Variants in FAM227A observed in about 807,000 individuals in gnomAD.
The protein encoded by FAM227A is protein FAM227A.
Under a neutral mutation model 74.7 loss-of-function variants are expected in FAM227A, and 80 were observed. That is an observed-to-expected ratio of 1.07 (90% CI 0.89 to 1.29). The LOEUF is 1.29. FAM227A is among the 50% of genes most tolerant of loss of function. The pLI is 0.00. For synonymous variants in FAM227A, 237 were observed against 241.8 expected (o/e 0.98, Z 0.19); for missense variants, 654 against 683.4 (o/e 0.96, Z 0.48).
intron 6 of FAM227A, among the ~76,000 whole-genome samples, chr22:38,630,483 C>T (rs190827157): frequency 6.2e-4 from 95 of 152,232 alleles, no homozygotes; most frequent in East Asian, 4.1e-3. Flanking sequence ...CCTCTGTGCT[C>T]GATTCTTTCA....
chr22:38,636,770 CTTTTTTTTTTT>C (rs34040804), intron 5 of FAM227A, among the ~76,000 whole-genome samples, 173 bp from the exon 6 acceptor site: 2 of 118,820 alleles, frequency 1.7e-5, no homozygotes, highest in African/African-American at 7.0e-5. Context: ...TACATTATTT[CTTTTTTTTTTT>C]TTTTTTTGAG....
At chr22:38,608,572 A>C (rs9610982) in intron 11 of FAM227A, among the ~76,000 whole-genome samples, 38,302 of 151,566 alleles carry the variant, frequency 0.25, 5,257 homozygotes, top group East Asian at 0.36. Context: ...CTAGGATTAC[A>C]GGTGTCCGCC....
chr22:38,590,627 T>C (rs1056151854), intron 16 of FAM227A, among the ~76,000 whole-genome samples: 47 of 152,338 alleles, frequency 3.1e-4, no homozygotes, highest in African/African-American at 1.1e-3. Flanking sequence ...TTGAGCTGGC[T>C]TCCTGGCACA....
intron 13 of FAM227A, among the ~76,000 whole-genome samples, chr22:38,603,289 A>G (rs2091215381): frequency 6.6e-6 from 1 of 151,400 alleles, no homozygotes; most frequent in African/African-American, 2.4e-5. Context: ...GGAGTTTGAG[A>G]CCCGCCTGAC....
At chr22:38,635,245 AAAAAG>A (rs982789151) in intron 6 of FAM227A, among the ~76,000 whole-genome samples, 15 of 151,448 alleles carry the variant, frequency 9.9e-5, no homozygotes, top group African/African-American at 3.4e-4. Flanking sequence ...AAAAAAAAAA[AAAAAG>A]GAAGGAAGGG....
At chr22:38,610,789 C>T (rs1024091744) in intron 11 of FAM227A, among the ~76,000 whole-genome samples, 1 of 152,174 alleles carries the variant, frequency 6.6e-6, no homozygotes, top group African/African-American at 2.4e-5. Flanking sequence ...TGGGCCGGCG[C>T]GGTGGCTCAC....
At chr22:38,611,734 G>A (rs182409825) in intron 11 of FAM227A, among the ~76,000 whole-genome samples, 4 of 152,178 alleles carry the variant, frequency 2.6e-5, no homozygotes, top group African/African-American at 7.2e-5. Context: ...CACTGTAGTC[G>A]TGCACTCCTA....
chr22:38,602,898 G>C (rs2091206368), intron 13 of FAM227A, among the ~76,000 whole-genome samples: 1 of 152,048 alleles, frequency 6.6e-6, no homozygotes, highest in African/African-American at 2.4e-5. Context: ...TTTTGAGATG[G>C]AGTCTCACTC....
chr22:38,623,050 G>A (rs2145565921), intron 10 of FAM227A, 122 bp downstream of exon 10: 1 of 670,012 alleles, frequency 1.5e-6, no homozygotes, highest in Non-Finnish European at 2.6e-6. Context: ...TGGCTAATTT[G>A]GGGGTACCCG....
In FAM227A at chr22:38,617,110, A is replaced by G. The variant is rs146992852; in HGVS notation, c.1038+3102T>C. Among the ~76,000 whole-genome samples the G allele has an allele frequency of 2.4e-3, 365 of 152,190 alleles. 4 individuals are homozygous for G. Among genetic ancestry groups the G allele is most frequent in the African/African-American group, 8.7e-3 (362 of 41,534 alleles). ...GAATCTGGGCATGCTAGGGCAGTAC[A>G]GTGGTGCGGCCAGGCAGCACTGAGT... On this transcript the variant is annotated intron_variant, in intron 11 of 16. Transcript: ENST00000535113.
At chr22:38,617,538 G>T (rs999275167) in intron 11 of FAM227A, among the ~76,000 whole-genome samples, 1 of 152,082 alleles carries the variant, frequency 6.6e-6, no homozygotes, top group Non-Finnish European at 1.5e-5. Context: ...CTTGTAATCC[G>T]CCTGCCTTGG....
chr22:38,637,181 T>C (rs2092024986), intron 5 of FAM227A, among the ~76,000 whole-genome samples: 1 of 152,226 alleles, frequency 6.6e-6, no homozygotes, highest in Non-Finnish European at 1.5e-5. Context: ...AAAATATATA[T>C]GTGATTTTTA....
chr22:38,605,482 G>T (rs538633234), intron 12 of FAM227A, 134 bp from the exon 13 acceptor site: 1 of 609,200 alleles, frequency 1.6e-6, no homozygotes, highest in South Asian at 2.0e-5. Context: ...TAGAAACGGG[G>T]TTTCGCCATG....
At chr22:38,631,342 C>T (rs946946370) in intron 6 of FAM227A, among the ~76,000 whole-genome samples, 4 of 151,716 alleles carry the variant, frequency 2.6e-5, no homozygotes, top group African/African-American at 9.7e-5. Context: ...ACACTGGGTA[C>T]GCGTGGACAT....
Position 38,582,095 on chromosome 22 carries a change from G to A in FAM227A, c.*4030C>T, listed in dbSNP as rs2090714757. ...AAGTATAATTGACATATGAGAAACTGCACACATTTAAAGTGTATTTAGGTG... is the reference window on the plus strand; with the variant it reads ...AAGTATAATTGACATATGAGAAACTACACACATTTAAAGTGTATTTAGGTG... On this transcript the variant is annotated 3_prime_UTR_variant, in exon 17 of 17. Transcript: ENST00000535113. The A allele has an allele frequency of 9.6e-6, 4 of 418,724 alleles. No homozygotes were observed. The highest frequency in any genetic ancestry group is 2.0e-5 in the African/African-American group (1 of 48,978). The allele number at this position is 418,724 out of a possible 1,614,324, so 25.9% of individuals were successfully genotyped here. A position where few individuals can be genotyped will look rare whatever the true frequency, so the allele number is the denominator to read the frequency against.
At chr22:38,624,024 G>C (rs1406467057) in intron 9 of FAM227A, among the ~76,000 whole-genome samples, 1 of 152,178 alleles carries the variant, frequency 6.6e-6, no homozygotes, top group East Asian at 1.9e-4. Context: ...AAAGGGAACA[G>C]CAAGGTGCAA....
At chr22:38,604,458 C>G (rs1020297510) in intron 13 of FAM227A, among the ~76,000 whole-genome samples, 1 of 152,176 alleles carries the variant, frequency 6.6e-6, no homozygotes, top group African/African-American at 2.4e-5. Context: ...TCCCACTACA[C>G]AAGACTGAAG....
chr22:38,640,324 C>T (rs147880228), intron 3 of FAM227A, among the ~76,000 whole-genome samples: 6,844 of 152,108 alleles, frequency 0.045, 277 homozygotes, highest in African/African-American at 0.1. Context: ...TGAGCCACCA[C>T]GTCCAGCCTC....
chr22:38,614,571 T>C (rs765817348), intron 11 of FAM227A, among the ~76,000 whole-genome samples: 6 of 152,220 alleles, frequency 3.9e-5, no homozygotes, highest in Non-Finnish European at 5.9e-5. Context: ...AGCTCTTTCA[T>C]TGAGCAGATG....
Sources: allele counts gnomAD v4.1 joint callset (sites outside exome capture counted in the v4.1 genomes callset), GRCh38; gene constraint gnomAD v4.1.1; transcripts MANE v1.5; gene names NCBI Gene and HGNC (gene_info 2026-07-23, HGNC 2026-07-21).